The following SLC26A5 variants were observed in gnomAD, a reference collection of about 807,000 sequenced individuals.
The protein encoded by SLC26A5 is prestin.
In SLC26A5, 51 loss-of-function variants were observed where a neutral mutation model predicts 81.0. The observed-to-expected ratio is 0.63, with a 90% CI of 0.50 to 0.80. The LOEUF is 0.80. SLC26A5 is among the 30% of genes least tolerant of loss of function. The pLI, the probability that SLC26A5 is intolerant of heterozygous loss-of-function variation, is 0.00. For missense variants in SLC26A5, 771 were observed against 905.8 expected, an observed-to-expected ratio of 0.85 and a Z score of 1.91; for synonymous variants, 325 against 332.8, an observed-to-expected ratio of 0.98 and a Z score of 0.25.
intron 2 of SLC26A5, among the ~76,000 whole-genome samples, chr7:103,438,198 G>T (rs567767208): frequency 2.0e-5 from 3 of 152,134 alleles, no homozygotes; most frequent in Non-Finnish European, 4.4e-5. Context: ...AAAAAACTAA[G>T]AGTAAATTTC....
chr7:103,367,821 G>C lies in SLC26A5; in HGVS notation c.2041+8987C>G. The C allele has an allele frequency of 6.2e-7, 1 of 1,612,084 alleles. No individual in the cohort carries two copies. The highest frequency in any genetic ancestry group is 1.1e-5 in the South Asian group (1 of 90,640). On this transcript the variant is annotated intron_variant, in intron 19 of 19. Transcript: ENST00000339444. This position sits in a 1 kb window ranked among gnomAD's most constrained non-coding sequence, Gnocchi z 6.1. ...TCCAAATAGCACTGGTAAGTAGAAAGTTCTTGCTTATATTTGCTGGTCTGT... is the reference window on the plus strand; with the variant it reads ...TCCAAATAGCACTGGTAAGTAGAAACTTCTTGCTTATATTTGCTGGTCTGT...
In SLC26A5 at chr7:103,412,987, A is replaced by C; in HGVS notation, c.403+15T>G. 1 of 1,504,136 alleles carries C rather than the reference A, an allele frequency of 6.6e-7. No individual in the cohort carries two copies. The highest frequency in any genetic ancestry group is 9.3e-7 in the Non-Finnish European group (1 of 1,080,050). The allele number at this position is 1,504,136 out of a possible 1,614,324, so 93.2% of individuals were successfully genotyped here. On this transcript the variant is annotated intron_variant, in intron 5 of 19. Coordinates refer to ENST00000306312, the MANE Select transcript of SLC26A5 (RefSeq NM_198999.3). ...CACAAGGAAAGGTAATAGAATATCA[A>C]ATGTAAGCTTTTACCTATGGATATG... is the stretch of plus-strand genomic sequence containing the variant.
chr7:103,391,000 G>C (rs1822599910), intron 11 of SLC26A5, among the ~76,000 whole-genome samples: 1 of 151,992 alleles, frequency 6.6e-6, no homozygotes, highest in African/African-American at 2.4e-5. Flanking sequence ...CAAGTAGCTG[G>C]GACTACAGGC....
chr7:103,388,637 G>A (rs1822398923), intron 14 of SLC26A5: 2 of 350,510 alleles, frequency 5.7e-6, no homozygotes, highest in South Asian at 2.3e-5. Context: ...TGGTGTCAGA[G>A]TTTGCTTCAT....
Position 103,389,417 on chromosome 7 carries a change from A to G in SLC26A5, c.1319T>C (p.Leu440Pro), listed in dbSNP as rs1822463780. The change falls in exon 13 of 20, where the codon CTG (leucine) becomes CCG (proline). Residue 440 changes from leucine to proline, a missense_variant. Leu to Pro is a moderately conservative substitution (Grantham distance 98). Transcript: ENST00000306312. ...CAGGTTGACAATCACAATGGCCGAC[A>G]GCACAGCCTGAAACAGAGCACATCC... The part of the protein sequence containing the change: ...FLFESLPQAV[L>P]SAIVIVNLKG... 1 of 1,613,382 alleles carries G rather than the reference A, an allele frequency of 6.2e-7. No homozygotes were observed. Among genetic ancestry groups the G allele is most frequent in the Non-Finnish European group, 8.5e-7 (1 of 1,179,418 alleles).
At chr7:103,387,814 T>G (rs1338150330) in intron 14 of SLC26A5, among the ~76,000 whole-genome samples, 2 of 152,134 alleles carry the variant, frequency 1.3e-5, no homozygotes, top group Non-Finnish European at 2.9e-5. Flanking sequence ...CCTAAGTAGC[T>G]GGGATTACAG....
intron 19 of SLC26A5, among the ~76,000 whole-genome samples, chr7:103,366,926 T>A (rs1257706435): frequency 2.0e-5 from 3 of 152,192 alleles, no homozygotes; most frequent in Non-Finnish European, 4.4e-5. Context: ...TGTCTCAGCC[T>A]CCTGAGTAGC....
chr7:103,423,445 T>C (rs1379236880), intron 2 of SLC26A5, among the ~76,000 whole-genome samples: 1 of 152,196 alleles, frequency 6.6e-6, no homozygotes, highest in African/African-American at 2.4e-5. Flanking sequence ...ATGTTATGGT[T>C]TGACTGTTTT....
chr7:103,382,503 C>G (rs1206512584), intron 14 of SLC26A5, among the ~76,000 whole-genome samples: 1 of 151,940 alleles, frequency 6.6e-6, no homozygotes, highest in Non-Finnish European at 1.5e-5. Flanking sequence ...TTGTGCGCCA[C>G]CATGCCCAGC....
At chr7:103,366,256 TTAACTC>T (rs1177198923) in intron 19 of SLC26A5, 1 of 1,132,764 alleles carries the variant, frequency 8.8e-7, no homozygotes, top group Non-Finnish European at 1.3e-6. Context: ...GTACAGAATT[TTAACTC>T]CAACTCTTCT....
intron 4 of SLC26A5, among the ~76,000 whole-genome samples, chr7:103,413,573 G>C (rs1302745276): frequency 6.6e-6 from 1 of 152,058 alleles, no homozygotes; most frequent in Non-Finnish European, 1.5e-5. Context: ...TTATCAGAAG[G>C]TACAGCCTTC....
rs79750030 is a variant in SLC26A5, at chr7:103,441,155, C to T, written c.-54+1928G>A. On this transcript the variant is annotated intron_variant, in intron 2 of 19. Coordinates refer to ENST00000306312, the MANE Select transcript of SLC26A5 (RefSeq NM_198999.3). ...GAAATTAAGTGCAGCTCCTGGTAACCGACGTGCCTCTTACCCTTGTCAGTT... is the reference window on the plus strand; with the variant it reads ...GAAATTAAGTGCAGCTCCTGGTAACTGACGTGCCTCTTACCCTTGTCAGTT... 3.1e-4 allele frequency among the ~76,000 whole-genome samples: 47 copies of T among 152,244 alleles called. No individual in the cohort carries two copies. The East Asian group carries it at 3.3e-3, about 11-fold the overall frequency.
In SLC26A5 at chr7:103,420,718, A is replaced by T. The variant is rs1329432349; in HGVS notation, c.292+20T>A. The T allele has an allele frequency of 1.9e-6, 3 of 1,613,434 alleles. No individual in the cohort carries two copies. Among genetic ancestry groups the T allele is most frequent in the African/African-American group, 2.7e-5 (2 of 75,024 alleles). On this transcript the variant is annotated intron_variant, in intron 4 of 19. Coordinates refer to ENST00000306312, the MANE Select transcript of SLC26A5 (RefSeq NM_198999.3). ...TTGTTTGAGGACAGCAAGGGGGGAA[A>T]GAAAGAAAGATCTACTGACCTTGAG...
At chr7:103,378,983 G>A (rs1036531517) in intron 16 of SLC26A5, among the ~76,000 whole-genome samples, 2 of 152,140 alleles carry the variant, frequency 1.3e-5, no homozygotes, top group African/African-American at 4.8e-5. Context: ...TGTTTGAAAA[G>A]TAATATTATA....
In SLC26A5 at chr7:103,362,330, G is replaced by T. The variant is rs368455027; in HGVS notation, c.2042-9404C>A. 1.0e-5 allele frequency: 14 copies of T among 1,367,708 alleles called. No homozygotes were observed. The Admixed American group carries it at 1.4e-4, about 13-fold the overall frequency. 84.7% of individuals were successfully genotyped at this position (1,367,708 alleles called of 1,614,324 possible). A position where few individuals can be genotyped will look rare whatever the true frequency, so the allele number is the denominator to read the frequency against. On this transcript the variant is annotated intron_variant, in intron 19 of 19. Coordinates refer to the SLC26A5 transcript ENST00000339444. ...AATGGCTTCAAATTTCAGAGTTGAG[G>T]TTACCAGTCCATTTAAGGTAACATG...
At chr7:103,359,017 T>G (rs988551123) in intron 19 of SLC26A5, among the ~76,000 whole-genome samples, 1 of 151,642 alleles carries the variant, frequency 6.6e-6, no homozygotes, top group African/African-American at 2.4e-5. Context: ...AAGGTCTCAC[T>G]TTGTTACCAA....
chr7:103,434,244 T>C (rs1396539170), intron 2 of SLC26A5, among the ~76,000 whole-genome samples: 1 of 152,212 alleles, frequency 6.6e-6, no homozygotes, highest in Non-Finnish European at 1.5e-5. Context: ...TTACTGACAA[T>C]ATGATTCTAA....
chr7:103,391,545 G>A, intron 11 of SLC26A5, 77 bp downstream of exon 11: 7 of 1,244,636 alleles, frequency 5.6e-6, no homozygotes, highest in Non-Finnish European at 8.1e-6. Context: ...CTTTGTTTGG[G>A]TTCAGAATAT....
At chr7:103,383,014 G>A (rs1052509488) in intron 14 of SLC26A5, among the ~76,000 whole-genome samples, 2 of 152,092 alleles carry the variant, frequency 1.3e-5, no homozygotes, top group African/African-American at 4.8e-5. Context: ...TGTTTTGCTG[G>A]GTAAATTTCC....
Sources: allele counts gnomAD v4.1 joint callset (sites outside exome capture counted in the v4.1 genomes callset), GRCh38; gene constraint gnomAD v4.1.1; non-coding constraint Gnocchi (gnomAD v3.1); transcripts MANE v1.5; gene names NCBI Gene and HGNC (gene_info 2026-07-23, HGNC 2026-07-21).